Variants in SHANK2 observed in about 807,000 individuals in gnomAD.
SHANK2 encodes SH3 and multiple ankyrin repeat domains 2, also known as SH3 and multiple ankyrin repeat domains protein 2.
In SHANK2, 43 loss-of-function variants were observed where a neutral mutation model predicts 133.7. The observed-to-expected ratio is 0.32, with a 90% CI of 0.25 to 0.41. The LOEUF (loss-of-function observed/expected upper bound fraction) is 0.41. SHANK2 is among the 10% of genes least tolerant of loss of function. The pLI, the probability that SHANK2 is intolerant of heterozygous loss-of-function variation, is 1.00. For missense variants in SHANK2, 1,994 were observed against 2,235.8 expected (o/e 0.89, Z 2.18); for synonymous variants, 1,017 against 952.8 (o/e 1.07, Z -1.24).
chr11:70,589,906 C>T (rs1554987605), intron 17 of SHANK2, among the ~76,000 whole-genome samples: 1 of 152,178 alleles, frequency 6.6e-6, no homozygotes. Context: ...GTAATCCCAG[C>T]ACTTTGGGAG....
At chr11:70,825,991 C>T (rs1948631524) in intron 11 of SHANK2, among the ~76,000 whole-genome samples, 1 of 152,206 alleles carries the variant, frequency 6.6e-6, no homozygotes, top group Non-Finnish European at 1.5e-5. Flanking sequence ...GTTGGCCACG[C>T]TCCCTTCCCA....
chr11:71,201,071 C>A (rs1396017225), intron 2 of SHANK2, among the ~76,000 whole-genome samples: 3 of 152,104 alleles, frequency 2.0e-5, no homozygotes, highest in Non-Finnish European at 4.4e-5. Flanking sequence ...GAGACAGACA[C>A]GACAGTGATG....
chr11:70,910,837 T>G (rs1590823327), intron 10 of SHANK2, among the ~76,000 whole-genome samples: 2 of 147,174 alleles, frequency 1.4e-5, no homozygotes, highest in Non-Finnish European at 1.5e-5. Context: ...AAGAATAGAG[T>G]GATGAAAATC....
At chr11:70,842,836 C>A (rs1365996977) in intron 11 of SHANK2, among the ~76,000 whole-genome samples, 1 of 152,218 alleles carries the variant, frequency 6.6e-6, no homozygotes, top group Non-Finnish European at 1.5e-5. Flanking sequence ...TCCCTCCACA[C>A]GGTTTCCTCT....
At chr11:71,136,714 A>C (rs1316042721) in intron 3 of SHANK2, among the ~76,000 whole-genome samples, 3 of 152,220 alleles carry the variant, frequency 2.0e-5, no homozygotes, top group Non-Finnish European at 4.4e-5. Flanking sequence ...GCAAATCCAC[A>C]CAGACAGAAA....
chr11:70,562,200 G>T (rs2059915468), intron 17 of SHANK2, among the ~76,000 whole-genome samples: 1 of 152,162 alleles, frequency 6.6e-6, no homozygotes, highest in African/African-American at 2.4e-5. Context: ...ATTGAGACTT[G>T]TTTTATGGAC....
intron 6 of SHANK2, among the ~76,000 whole-genome samples, chr11:71,109,141 CCAGCCCAGGA>C (rs1951848322): frequency 1.3e-5 from 2 of 152,258 alleles, no homozygotes; most frequent in African/African-American, 4.8e-5. Context: ...AGGAGTATTC[CCAGCCCAGGA>C]CAGCCCACCT....
intron 1 of SHANK2, among the ~76,000 whole-genome samples, chr11:71,247,927 C>A (rs1354652028): frequency 6.6e-6 from 1 of 152,202 alleles, no homozygotes; most frequent in African/African-American, 2.4e-5. Context: ...AATCGGGGAG[C>A]CCAGCATGTC....
At chr11:70,560,411 T>C (rs1325104201) in intron 17 of SHANK2, among the ~76,000 whole-genome samples, 2 of 151,148 alleles carry the variant, frequency 1.3e-5, no homozygotes, top group Non-Finnish European at 2.9e-5. Context: ...TTTTAGATCA[T>C]GTGGCAGGAG....
chr11:70,847,596 G>T (rs782193452), intron 11 of SHANK2, among the ~76,000 whole-genome samples: 1 of 152,194 alleles, frequency 6.6e-6, no homozygotes. Flanking sequence ...AAACCTGCCC[G>T]AGCATCTCTC....
At chr11:70,733,148 G>A (rs1023860123) in intron 14 of SHANK2, among the ~76,000 whole-genome samples, 1 of 152,142 alleles carries the variant, frequency 6.6e-6, no homozygotes, top group African/African-American at 2.4e-5. Context: ...TGAGAGTGCC[G>A]GGAGAGGACT....
In SHANK2 at chr11:70,522,019, G is replaced by A. The variant is rs185689199; in HGVS notation, c.2062-19088C>T. ...TTTGGGCTATGTTCACATCTGTGGG[G>A]TTGCTGGCTCTAACGGTTTCTTATC... is the stretch of plus-strand genomic sequence containing the variant. On this transcript the variant is annotated intron_variant, in intron 17 of 25. Coordinates refer to ENST00000601538, the MANE Select transcript of SHANK2 (RefSeq NM_012309.5). Among the ~76,000 whole-genome samples the A allele has an allele frequency of 1.8e-3, 275 of 152,340 alleles. 4 individuals carry two copies. The South Asian group carries it at 0.02, about 11-fold the overall frequency.
intron 11 of SHANK2, among the ~76,000 whole-genome samples, chr11:70,829,472 G>A (rs1366544126): frequency 6.6e-6 from 1 of 152,246 alleles, no homozygotes; most frequent in Non-Finnish European, 1.5e-5. Context: ...CCAGGAATAC[G>A]GCTGGCTTCC....
At position 70,814,057 on chromosome 11, in the gene SHANK2, C is replaced by T. The variant is rs988243864; in HGVS notation, c.1493+6307G>A. 7.2e-5 allele frequency among the ~76,000 whole-genome samples: 11 copies of T among 152,186 alleles called. No homozygotes were observed. In the South Asian group the frequency reaches 1.0e-3, roughly 14 times the overall value. On this transcript the variant is annotated intron_variant, in intron 12 of 25. Transcript: ENST00000601538. ...GTGAAAGTCAGGCTGGGCATGGTGG[C>T]TCACCCCTGTAATCCCAGCACTTTG... is the stretch of plus-strand genomic sequence containing the variant.
intron 2 of SHANK2, among the ~76,000 whole-genome samples, chr11:71,169,466 C>A (rs982769752): frequency 5.3e-5 from 8 of 152,062 alleles, no homozygotes; most frequent in Admixed American, 1.3e-4. Flanking sequence ...TGTATAAAAC[C>A]AAGCTGGGTG....
intron 25 of SHANK2, among the ~76,000 whole-genome samples, chr11:70,478,780 G>T (rs1390288870): frequency 1.3e-5 from 2 of 152,188 alleles, no homozygotes; most frequent in African/African-American, 4.8e-5. Flanking sequence ...AATAATTGTT[G>T]ACTGAAGTGT....
intron 4 of SHANK2, among the ~76,000 whole-genome samples, chr11:71,116,176 T>C (rs1555100293): frequency 4.6e-5 from 7 of 152,166 alleles, no homozygotes. Flanking sequence ...GTCCATGACA[T>C]CTTGGGCTTC....
Position 70,807,096 on chromosome 11 carries a change from G to A in SHANK2, c.1569C>T (p.Tyr523=), listed in dbSNP as rs888204009. ...CGAAGAGCCTCCCGGGCACGGCACT[G>A]TAGAGCTTCCGCTTGGGCCCCGGGT... ...FEYPGPKRKL[Y]SAVPGRLFVA... is the part of the protein sequence containing the mutation. Residue 523 remains tyrosine, a synonymous_variant, in exon 13 of 26, where the codon TAC becomes TAT. Coordinates refer to ENST00000601538, the MANE Select transcript of SHANK2 (RefSeq NM_012309.5). This position sits in a 1 kb window ranked among gnomAD's most constrained non-coding sequence, Gnocchi z 4.8. 2.8e-6 allele frequency: 2 copies of A among 718,026 alleles called. No homozygotes were observed. Among genetic ancestry groups the A allele is most frequent in the Non-Finnish European group, 5.2e-6 (2 of 385,014 alleles). 44.5% of individuals were successfully genotyped at this position (718,026 alleles called of 1,614,324 possible).
intron 10 of SHANK2, among the ~76,000 whole-genome samples, chr11:70,946,206 G>GGCTCAACCTCCCTCTCCA (rs1950728982): frequency 7.9e-5 from 6 of 76,344 alleles, no homozygotes; most frequent in African/African-American, 2.1e-4. Flanking sequence ...CTCCCTCTCC[G>GGCTCAACCTCCCTCTCCA]CTAACCAACT....
Sources: gnomAD v4.1 joint callset for allele counts (sites outside exome capture counted in the v4.1 genomes callset) on GRCh38, gnomAD v4.1.1 for gene constraint, Gnocchi (gnomAD v3.1) non-coding constraint, MANE v1.5 for transcripts, NCBI Gene and HGNC (gene_info 2026-07-23, HGNC 2026-07-21) for gene names.